MCC: variants seen among roughly 807,000 people sequenced by gnomAD.
MCC encodes the protein MCC regulator of Wnt signaling pathway, also known as colorectal mutant cancer protein.
Under a neutral mutation model 116.2 loss-of-function variants are expected in MCC, and 90 were observed. The ratio of observed to expected loss-of-function variants is 0.77; its 90% CI spans 0.65 to 0.92. The LOEUF (loss-of-function observed/expected upper bound fraction) is 0.92. Among genes scored for constraint, MCC ranks in the 40% least tolerant of loss-of-function variants. The pLI is 0.00. For missense variants in MCC, 1,516 were observed against 1,312.2 expected (o/e 1.16, Z -2.40); for synonymous variants, 578 against 510.5 (o/e 1.13, Z -1.78).
At position 113,122,707 on chromosome 5, in the gene MCC, G is replaced by A; in HGVS notation, c.1004C>T (p.Ser335Phe). 6.2e-7 allele frequency: 1 copy of A among 1,614,188 alleles called. No individual in the cohort carries two copies. Among genetic ancestry groups the A allele is most frequent in the Non-Finnish European group, 8.5e-7 (1 of 1,180,026 alleles). The change falls in exon 6 of 19, where the codon TCT becomes TTT. Residue 335 changes from serine (S) to phenylalanine (F), a missense_variant. Ser to Phe is a radical substitution (Grantham distance 155). Transcript: ENST00000408903. ...QTSVSIPENQ[S>F]TMVTADMDNC... is the part of the protein sequence containing the mutation. ...ACCCATGTCAGCAGTAACCATGGTA[G>A]ACTGGTTTTCGGGGATAGAGACAGA... is the stretch of plus-strand genomic sequence containing the variant.
chr5:113,088,102 A>T (rs1455401548), intron 8 of MCC, among the ~76,000 whole-genome samples: 1 of 152,190 alleles, frequency 6.6e-6, no homozygotes, highest in Non-Finnish European at 1.5e-5. Context: ...TTTAAAAACT[A>T]AAGATGATAA....
At chr5:113,389,642 A>G (rs529220880) in intron 1 of MCC, among the ~76,000 whole-genome samples, 2 of 152,124 alleles carry the variant, frequency 1.3e-5, no homozygotes, top group South Asian at 2.1e-4. Flanking sequence ...CACATATTCA[A>G]TCCTTATCTT....
At chr5:113,053,553 C>T (rs1752619161) in intron 15 of MCC, among the ~76,000 whole-genome samples, 172 bp downstream of exon 15, 1 of 152,134 alleles carries the variant, frequency 6.6e-6, no homozygotes, top group Non-Finnish European at 1.5e-5. Context: ...CAGAAACACG[C>T]AGCCCAAGTG....
intron 1 of MCC, among the ~76,000 whole-genome samples, chr5:113,440,178 G>T (rs1770993316): frequency 6.6e-6 from 1 of 152,120 alleles, no homozygotes; most frequent in African/African-American, 2.4e-5. Context: ...CTTCCAGTCT[G>T]GCATTTCTCC....
chr5:113,067,501 G>T (rs1753705638), intron 13 of MCC, among the ~76,000 whole-genome samples: 1 of 152,226 alleles, frequency 6.6e-6, no homozygotes, highest in African/African-American at 2.4e-5. Context: ...GCCAGGCGTG[G>T]TGGCATGTGC....
intron 15 of MCC, among the ~76,000 whole-genome samples, chr5:113,051,905 G>A (rs1438418075): frequency 6.6e-6 from 1 of 152,066 alleles, no homozygotes; most frequent in African/African-American, 2.4e-5. Flanking sequence ...TGGTATGGGT[G>A]AGCACACATC....
At chr5:113,094,363 G>A (rs1755868459) in intron 8 of MCC, among the ~76,000 whole-genome samples, 1 of 150,564 alleles carries the variant, frequency 6.6e-6, no homozygotes, top group Non-Finnish European at 1.5e-5. Context: ...GCCCACTAAA[G>A]TACCTGGATG....
At chr5:113,214,385 G>GT (rs1230604436) in intron 3 of MCC, among the ~76,000 whole-genome samples, 3 of 152,226 alleles carry the variant, frequency 2.0e-5, no homozygotes, top group African/African-American at 7.2e-5. Flanking sequence ...CATGAACTGA[G>GT]TTGCCTTGCG....
chr5:113,341,831 CTT>C (rs57521275), intron 2 of MCC, among the ~76,000 whole-genome samples: 6 of 151,718 alleles, frequency 4.0e-5, no homozygotes, highest in African/African-American at 1.5e-4. Flanking sequence ...GAAAAGAAAA[CTT>C]TTTTTTACAT....
rs1759298101 is a variant in MCC, at chr5:113,143,307, T to TC, written c.794_795insG (p.Leu266ThrfsTer4). On this transcript the variant is annotated frameshift_variant, in exon 5 of 19. Transcript: ENST00000408903. LOFTEE classifies it high-confidence loss of function. ...CTGTGATGCGTTCCTCATAGCGAAG[T>TC]GTCGTTCGCTCCTGGACATCCTCAT... 6.2e-7 allele frequency: 1 copy of TC among 1,613,722 alleles called. No homozygotes were observed. Among genetic ancestry groups the TC allele is most frequent in the Non-Finnish European group, 8.5e-7 (1 of 1,179,986 alleles).
intron 3 of MCC, among the ~76,000 whole-genome samples, chr5:113,193,162 C>T (rs774470665): frequency 2.0e-5 from 3 of 152,266 alleles, no homozygotes; most frequent in African/African-American, 4.8e-5. Flanking sequence ...TCTTTGCTTC[C>T]GTTATGACAT....
chr5:113,246,724 T>C (rs115394512), intron 3 of MCC, among the ~76,000 whole-genome samples: 2 of 152,350 alleles, frequency 1.3e-5, no homozygotes, highest in African/African-American at 2.4e-5. Flanking sequence ...CTTTATCTTG[T>C]GAACTTTTTA....
chr5:113,327,323 G>C (rs1767580701), intron 3 of MCC, among the ~76,000 whole-genome samples: 1 of 151,880 alleles, frequency 6.6e-6, no homozygotes, highest in African/African-American at 2.4e-5. Flanking sequence ...GAGGCAGGCA[G>C]ATCACCTGAG....
chr5:113,143,825 T>C (rs188948533), intron 4 of MCC, among the ~76,000 whole-genome samples: 1 of 152,250 alleles, frequency 6.6e-6, no homozygotes, highest in Non-Finnish European at 1.5e-5. Flanking sequence ...AGTTCCTTTA[T>C]GGCTGTTCAG....
intron 1 of MCC, among the ~76,000 whole-genome samples, chr5:113,426,526 C>T (rs1770489468): frequency 6.6e-6 from 1 of 152,138 alleles, no homozygotes; most frequent in Non-Finnish European, 1.5e-5. Context: ...TCATCATTTC[C>T]TACTTTCTCT....
At chr5:113,151,998 C>T (rs181771642) in intron 3 of MCC, among the ~76,000 whole-genome samples, 128 of 152,218 alleles carry the variant, frequency 8.4e-4, no homozygotes, top group African/African-American at 2.9e-3. Flanking sequence ...CTCTTTGCCT[C>T]CCCACTTCCC....
chr5:113,075,666 T>C (rs1045553736), intron 11 of MCC, among the ~76,000 whole-genome samples: 1 of 152,036 alleles, frequency 6.6e-6, no homozygotes, highest in Non-Finnish European at 1.5e-5. Flanking sequence ...CTCTGTAAAA[T>C]GGACCAATCA....
chr5:113,319,914 T>C (rs1767378251), intron 3 of MCC, among the ~76,000 whole-genome samples: 1 of 152,204 alleles, frequency 6.6e-6, no homozygotes, highest in Non-Finnish European at 1.5e-5. Context: ...CCAATGGCCA[T>C]ATGAGGCCCC....
chr5:113,463,741 C>T (rs1463937523), intron 1 of MCC, among the ~76,000 whole-genome samples: 1 of 152,156 alleles, frequency 6.6e-6, no homozygotes, highest in Non-Finnish European at 1.5e-5. Context: ...GAGGACCGAG[C>T]TGGACATTTA....
Sources: gnomAD v4.1 joint callset for allele counts (sites outside exome capture counted in the v4.1 genomes callset) on GRCh38, gnomAD v4.1.1 for gene constraint, MANE v1.5 for transcripts, NCBI Gene and HGNC (gene_info 2026-07-23, HGNC 2026-07-21) for gene names.